Variants in STX1A observed in about 807,000 individuals in gnomAD.
STX1A encodes syntaxin-1A.
In STX1A, 4 loss-of-function variants were observed where a neutral mutation model predicts 37.8. That is an observed-to-expected ratio of 0.11 (90% CI 0.05 to 0.24). The LOEUF (loss-of-function observed/expected upper bound fraction) is 0.24, where lower values mean the gene tolerates loss of function less well. Among genes scored for constraint, STX1A ranks in the 10% least tolerant of loss-of-function variants. The pLI, the probability that STX1A is intolerant of heterozygous loss-of-function variation, is 1.00. For missense variants in STX1A, 251 were observed against 399.9 expected (o/e 0.63, Z 3.18); for synonymous variants, 135 against 147.4 (o/e 0.92, Z 0.61).
rs1302014890 is a variant in STX1A at position 73,717,610 on chromosome 7, T to C, written c.30+1992A>G. On this transcript the variant is annotated intron_variant, in intron 1 of 9. Coordinates refer to ENST00000222812, the MANE Select transcript of STX1A (RefSeq NM_004603.4). The surrounding 1 kb of genome is among the most constrained non-coding windows in gnomAD (Gnocchi z 4.1). ...GCCTGCCAGCCGTCCACCTGTCTGC[T>C]AGAAAGCCCTCCCTGGGCAGGGCCA... 6.6e-6 allele frequency among the ~76,000 whole-genome samples: 1 copy of C among 151,918 alleles called. No individual in the cohort carries two copies. Among genetic ancestry groups the C allele is most frequent in the East Asian group, 1.9e-4 (1 of 5,148 alleles).
In STX1A at chr7:73,702,766, C is replaced by A; in HGVS notation, c.678+79G>T. ...GTCCCTCCCCGGCAGGGCAGCGTGT[C>A]GGGCAGAAAGGGCGAGGTTAGTGCA... On this transcript the variant is annotated intron_variant, in intron 8 of 9. Coordinates refer to ENST00000222812, the MANE Select transcript of STX1A (RefSeq NM_004603.4). This position sits in a 1 kb window ranked among gnomAD's most constrained non-coding sequence, Gnocchi z 4.7. 6.2e-7 allele frequency: 1 copy of A among 1,601,906 alleles called. No homozygotes were observed. Among genetic ancestry groups the A allele is most frequent in the Non-Finnish European group, 8.5e-7 (1 of 1,171,372 alleles).
chr7:73,707,037 T>C (rs1798899254), intron 3 of STX1A, among the ~76,000 whole-genome samples: 1 of 152,184 alleles, frequency 6.6e-6, no homozygotes, highest in Admixed American at 6.5e-5. Context: ...CTCTGGGTTC[T>C]TGAAGATGCC....
chr7:73,700,656 G>C lies in STX1A; in HGVS notation c.789+74C>G. Reference sequence around the variant, plus strand: ...TGAGAGAAGGGAGAGAGGTGGGATGGGGAGGGATGTGGGATGGTTGGGGGT... The same window carrying C: ...TGAGAGAAGGGAGAGAGGTGGGATGCGGAGGGATGTGGGATGGTTGGGGGT... On this transcript the variant is annotated intron_variant, in intron 9 of 9. Transcript: ENST00000222812. This position sits in a 1 kb window ranked among gnomAD's most constrained non-coding sequence, Gnocchi z 4.4. The C allele has an allele frequency of 3.2e-6, 5 of 1,581,578 alleles. No homozygotes were observed. The highest frequency in any genetic ancestry group is 4.3e-6 in the Non-Finnish European group (5 of 1,158,988).
Position 73,708,686 on chromosome 7 carries a change from C to T in STX1A, c.111G>A (p.Val37=). Residue 37 remains valine, a splice_region_variant and synonymous_variant, in exon 3 of 10, where the codon GTG becomes GTA. Coordinates refer to ENST00000222812, the MANE Select transcript of STX1A (RefSeq NM_004603.4). The part of the protein sequence containing the change: ...DRFMDEFFEQ[V]EEIRGFIDKI... ...TGTCAATGAAGCCTCGAATCTCCTCCACCTGCGGACCAAGGCCAGGTGGTC... is the reference window on the plus strand; with the variant it reads ...TGTCAATGAAGCCTCGAATCTCCTCTACCTGCGGACCAAGGCCAGGTGGTC... 6.2e-7 allele frequency: 1 copy of T among 1,613,808 alleles called. No individual in the cohort carries two copies. Among genetic ancestry groups the T allele is most frequent in the Non-Finnish European group, 8.5e-7 (1 of 1,179,880 alleles).
chr7:73,702,571 T>G lies in STX1A; in HGVS notation c.678+274A>C. The G allele has an allele frequency of 1.0e-6, 1 of 956,716 alleles. No individual in the cohort carries two copies. Among genetic ancestry groups the G allele is most frequent in the Non-Finnish European group, 1.5e-6 (1 of 675,506 alleles). The allele number at this position is 956,716 out of a possible 1,614,324, so 59.3% of individuals were successfully genotyped here. On this transcript the variant is annotated intron_variant, in intron 8 of 9. Coordinates refer to ENST00000222812, the MANE Select transcript of STX1A (RefSeq NM_004603.4). This position sits in a 1 kb window ranked among gnomAD's most constrained non-coding sequence, Gnocchi z 4.7. ...AAATGCGTGGCCCACAGTGGCCCCATGAGGAAACAGTAGTAGGGGAATGAG... is the reference window on the plus strand; with the variant it reads ...AAATGCGTGGCCCACAGTGGCCCCAGGAGGAAACAGTAGTAGGGGAATGAG...
chr7:73,702,767 G>A lies in STX1A; in HGVS notation c.678+78C>T, dbSNP rs782606580. The A allele has an allele frequency of 3.1e-5, 50 of 1,602,640 alleles. No individual in the cohort carries two copies. The highest frequency in any genetic ancestry group is 4.0e-5 in the African/African-American group (3 of 74,728). ...TCCCTCCCCGGCAGGGCAGCGTGTC[G>A]GGCAGAAAGGGCGAGGTTAGTGCAG... On this transcript the variant is annotated intron_variant, in intron 8 of 9. Transcript: ENST00000222812. This position sits in a 1 kb window ranked among gnomAD's most constrained non-coding sequence, Gnocchi z 4.7.
intron 1 of STX1A, among the ~76,000 whole-genome samples, chr7:73,710,059 G>T (rs966631877): frequency 6.6e-6 from 1 of 152,052 alleles, no homozygotes; most frequent in African/African-American, 2.4e-5. Flanking sequence ...ATTGGACCTC[G>T]GTCTGCCTCC....
intron 8 of STX1A, 172 bp from the exon 9 acceptor site, chr7:73,701,012 C>G (rs1798633411): frequency 1.5e-6 from 2 of 1,326,824 alleles, no homozygotes; most frequent in Non-Finnish European, 2.0e-6. Flanking sequence ...GTGTAGAGGG[C>G]CAGGCAGGCT....
chr7:73,704,894 G>A lies in STX1A; in HGVS notation c.283+256C>T, dbSNP rs1268697318. On this transcript the variant is annotated intron_variant, in intron 4 of 9. Transcript: ENST00000222812. ...CACTTCTTCAACCCTCTTTAGCAGAGGTGAGGGGCAGTGCCCATCCAGAGT... is the reference window on the plus strand; with the variant it reads ...CACTTCTTCAACCCTCTTTAGCAGAAGTGAGGGGCAGTGCCCATCCAGAGT... 6 of 581,774 alleles carry A rather than the reference G, an allele frequency of 1.0e-5. No homozygotes were observed. In the Admixed American group the frequency reaches 1.8e-4, roughly 18 times the overall value. The allele number at this position is 581,774 out of a possible 1,614,324, so 36.0% of individuals were successfully genotyped here. A position where few individuals can be genotyped will look rare whatever the true frequency, so the allele number is the denominator to read the frequency against.
chr7:73,703,029 CAGGGCAG>C, intron 7 of STX1A, 47 bp from the exon 8 acceptor site: 1 of 1,308,130 alleles, frequency 7.6e-7, no homozygotes, highest in Non-Finnish European at 1.0e-6. Flanking sequence ...TGCTGAGGGG[CAGGGCAG>C]AGGGCCGAGG....
Position 73,700,195 on chromosome 7 carries a change from G to A in STX1A, c.*212C>T, listed in dbSNP as rs1798595288. The A allele has an allele frequency of 1.6e-6, 1 of 609,592 alleles. No homozygotes were observed. The highest frequency in any genetic ancestry group is 2.8e-5 in the Admixed American group (1 of 35,436). 37.8% of individuals were successfully genotyped at this position (609,592 alleles called of 1,614,324 possible). On this transcript the variant is annotated 3_prime_UTR_variant, in exon 10 of 10. Coordinates refer to ENST00000222812, the MANE Select transcript of STX1A (RefSeq NM_004603.4). The surrounding 1 kb of genome is among the most constrained non-coding windows in gnomAD (Gnocchi z 4.4). ...CACGCCCCGCTGGCTGCCTCCCTCTGCCTCTTCCCGTACAGACGCACACTC... is the reference window on the plus strand; with the variant it reads ...CACGCCCCGCTGGCTGCCTCCCTCTACCTCTTCCCGTACAGACGCACACTC...
In STX1A at chr7:73,719,621, C is replaced by CA; in HGVS notation, c.10_11insT (p.Arg4LeufsTer13). The CA allele has an allele frequency of 8.3e-7, 1 of 1,202,706 alleles. No individual in the cohort carries two copies. Among genetic ancestry groups the CA allele is most frequent in the Non-Finnish European group, 1.0e-6 (1 of 963,866 alleles). The allele number at this position is 1,202,706 out of a possible 1,614,324, so 74.5% of individuals were successfully genotyped here. A position where few individuals can be genotyped will look rare whatever the true frequency, so the allele number is the denominator to read the frequency against. Reference sequence around the variant, plus strand: ...ACTCACCGTGCGGAGCTCCTGGGTTCGGTCCTTCATGCTCCCGGGAGTGGC... The same window carrying CA: ...ACTCACCGTGCGGAGCTCCTGGGTTCAGGTCCTTCATGCTCCCGGGAGTGGC... On this transcript the variant is annotated frameshift_variant, in exon 1 of 10. Coordinates refer to ENST00000222812, the MANE Select transcript of STX1A (RefSeq NM_004603.4). LOFTEE classifies it high-confidence loss of function.
At chr7:73,718,387 C>G (rs1462439132) in intron 1 of STX1A, among the ~76,000 whole-genome samples, 2 of 152,136 alleles carry the variant, frequency 1.3e-5, no homozygotes, top group Non-Finnish European at 2.9e-5. Context: ...ATGGGGCAGA[C>G]AGGCTCCAAC....
chr7:73,711,662 A>G (rs1799108330), intron 1 of STX1A, among the ~76,000 whole-genome samples: 1 of 152,118 alleles, frequency 6.6e-6, no homozygotes, highest in African/African-American at 2.4e-5. Context: ...CCTCCTGGGC[A>G]GGCTGCCAGG....
chr7:73,719,145 G>A (rs1199958478), intron 1 of STX1A, among the ~76,000 whole-genome samples: 1 of 151,794 alleles, frequency 6.6e-6, no homozygotes, highest in African/African-American at 2.4e-5. Context: ...CCGGCCCACC[G>A]CGGTCCCCTC....
At chr7:73,704,875 T>G in intron 4 of STX1A, 2 of 561,752 alleles carry the variant, frequency 3.6e-6, no homozygotes, top group Non-Finnish European at 6.4e-6. Context: ...TGGCCACTTC[T>G]TCAACCCTCT....
chr7:73,719,312 C>T (rs1016489410), intron 1 of STX1A, among the ~76,000 whole-genome samples: 6 of 152,166 alleles, frequency 3.9e-5, no homozygotes, highest in Non-Finnish European at 1.5e-5. Flanking sequence ...CCATCATACC[C>T]TCCGAACCCC....
At chr7:73,715,987 A>G (rs1453696726) in intron 1 of STX1A, among the ~76,000 whole-genome samples, 1 of 152,152 alleles carries the variant, frequency 6.6e-6, no homozygotes, top group Non-Finnish European at 1.5e-5. Flanking sequence ...AGAGTGGCTC[A>G]GGGAGGCAGC....
At chr7:73,714,343 G>C (rs1799210280) in intron 1 of STX1A, among the ~76,000 whole-genome samples, 1 of 151,956 alleles carries the variant, frequency 6.6e-6, no homozygotes, top group African/African-American at 2.4e-5. Flanking sequence ...CCTGACCTCA[G>C]GTGATCCACC....
Sources: allele counts gnomAD v4.1 joint callset (sites outside exome capture counted in the v4.1 genomes callset), GRCh38; gene constraint gnomAD v4.1.1; non-coding constraint Gnocchi (gnomAD v3.1); transcripts MANE v1.5; gene names NCBI Gene and HGNC (gene_info 2026-07-23, HGNC 2026-07-21).